Variants in NBEA observed in about 807,000 individuals in gnomAD.
The protein encoded by NBEA is neurobeachin.
In NBEA, 44 loss-of-function variants were observed where a neutral mutation model predicts 343.4. That is an observed-to-expected ratio of 0.13 (90% CI 0.10 to 0.16). The LOEUF is 0.16. Among genes scored for constraint, NBEA ranks in the 10% least tolerant of loss-of-function variants. The pLI, the probability that NBEA is intolerant of heterozygous loss-of-function variation, is 1.00. For missense variants in NBEA, 2,555 were observed against 3,631.3 expected (o/e 0.70, Z 7.62); for synonymous variants, 1,175 against 1,238.7 (o/e 0.95, Z 1.08).
chr13:35,654,709 C>T, intron 53 of NBEA, 146 bp from the exon 54 acceptor site: 2 of 582,808 alleles, frequency 3.4e-6, no homozygotes, highest in Non-Finnish European at 2.8e-6. Flanking sequence ...ATTTATATTC[C>T]TCAAGGGAGA....
chr13:35,406,510 C>T (rs1182715390), intron 38 of NBEA, among the ~76,000 whole-genome samples: 3 of 152,150 alleles, frequency 2.0e-5, no homozygotes, highest in Non-Finnish European at 4.4e-5. Context: ...TATGCCTTTG[C>T]ATCCTCATAG....
intron 38 of NBEA, among the ~76,000 whole-genome samples, chr13:35,356,633 G>A (rs2040505180): frequency 6.6e-6 from 1 of 152,024 alleles, no homozygotes; most frequent in Admixed American, 6.6e-5. Flanking sequence ...TTTTTTGTTT[G>A]GAGTTCATCC....
At chr13:35,609,564 G>A (rs748497589) in intron 48 of NBEA, among the ~76,000 whole-genome samples, 2 of 152,164 alleles carry the variant, frequency 1.3e-5, no homozygotes, top group Non-Finnish European at 2.9e-5. Context: ...ACAAAATTGT[G>A]TTGTGAAAAG....
At chr13:35,195,823 A>T in intron 30 of NBEA, 41 bp from the exon 31 acceptor site, 1 of 1,475,196 alleles carries the variant, frequency 6.8e-7, no homozygotes, top group Non-Finnish European at 9.1e-7. Context: ...CAAGATTTTT[A>T]CTTTCAAAGC....
intron 34 of NBEA, among the ~76,000 whole-genome samples, chr13:35,268,457 T>A (rs1221845866): frequency 6.6e-6 from 1 of 152,054 alleles, no homozygotes; most frequent in East Asian, 1.9e-4. Context: ...TGACTGAACT[T>A]AATACCTCTG....
intron 33 of NBEA, among the ~76,000 whole-genome samples, chr13:35,223,228 AT>A (rs144326326): frequency 0.013 from 1,947 of 152,280 alleles, 35 homozygotes; most frequent in African/African-American, 0.045. Flanking sequence ...TTATAGATTT[AT>A]TTATCTTTTC....
At chr13:35,048,282 G>A (rs1394351311) in intron 4 of NBEA, among the ~76,000 whole-genome samples, 1 of 151,878 alleles carries the variant, frequency 6.6e-6, no homozygotes, top group Non-Finnish European at 1.5e-5. Flanking sequence ...GAAACTAGAT[G>A]GCGACTTCTT....
At chr13:35,099,183 C>T (rs2065498039) in intron 11 of NBEA, among the ~76,000 whole-genome samples, 1 of 149,878 alleles carries the variant, frequency 6.7e-6, no homozygotes. Flanking sequence ...GCGCGCACCA[C>T]CATGCCTGGC....
chr13:35,558,523 G>C lies in NBEA; in HGVS notation c.6922+3421G>C, dbSNP rs188043677. On this transcript the variant is annotated intron_variant, in intron 44 of 58. Coordinates refer to ENST00000379939, the MANE Select transcript of NBEA (RefSeq NM_001385012.1). ...TATGGCAGCAGGTATGGCAAAAAGA[G>C]AGTAAATGACACTTTGTACAATATC... Among the ~76,000 whole-genome samples, 14 of 152,274 alleles carry C rather than the reference G, an allele frequency of 9.2e-5. No individual in the cohort carries two copies. In the East Asian group the frequency reaches 2.7e-3, roughly 29 times the overall value.
chr13:35,359,493 C>G (rs1300954266), intron 38 of NBEA, among the ~76,000 whole-genome samples: 1 of 150,552 alleles, frequency 6.6e-6, no homozygotes, highest in Non-Finnish European at 1.5e-5. Flanking sequence ...CTCTAATTTT[C>G]TACTTGCTAT....
intron 41 of NBEA, among the ~76,000 whole-genome samples, chr13:35,540,253 CTA>C (rs1157333233): frequency 6.6e-6 from 1 of 151,770 alleles, no homozygotes; most frequent in Non-Finnish European, 1.5e-5. Context: ...ATAAATAAGT[CTA>C]TAGAGAGAAG....
intron 35 of NBEA, among the ~76,000 whole-genome samples, chr13:35,309,230 T>C (rs2037196084): frequency 6.6e-6 from 1 of 152,098 alleles, no homozygotes; most frequent in South Asian, 2.1e-4. Context: ...CTTTTGGTCA[T>C]TTGCTGTCTT....
chr13:35,275,996 A>G (rs1566554176), intron 34 of NBEA, among the ~76,000 whole-genome samples: 2 of 152,204 alleles, frequency 1.3e-5, no homozygotes, highest in Middle Eastern at 3.4e-3. Context: ...AACTTAAAGT[A>G]TAATAATTTA....
intron 14 of NBEA, among the ~76,000 whole-genome samples, 187 bp downstream of exon 14, chr13:35,117,680 T>A (rs1262040453): frequency 6.6e-6 from 1 of 151,966 alleles, no homozygotes; most frequent in Admixed American, 6.5e-5. Flanking sequence ...TCTGAAATCT[T>A]CCCTATTAAG....
At chr13:35,203,855 G>A (rs983746684) in intron 31 of NBEA, among the ~76,000 whole-genome samples, 3 of 152,140 alleles carry the variant, frequency 2.0e-5, no homozygotes, top group Non-Finnish European at 2.9e-5. Flanking sequence ...TAGATTCTAT[G>A]TAGTATAAAA....
At chr13:35,143,769 T>C (rs2068227859) in intron 18 of NBEA, among the ~76,000 whole-genome samples, 1 of 151,998 alleles carries the variant, frequency 6.6e-6, no homozygotes, top group Non-Finnish European at 1.5e-5. Flanking sequence ...CTTGCGGGGC[T>C]GAGGCAGGAG....
intron 13 of NBEA, among the ~76,000 whole-genome samples, chr13:35,115,191 A>G (rs2066434037): frequency 1.3e-5 from 2 of 152,144 alleles, no homozygotes; most frequent in African/African-American, 4.8e-5. Flanking sequence ...AGTCTTGTAT[A>G]TCTTTCTACT....
chr13:35,078,544 A>T (rs2064222165), intron 10 of NBEA, among the ~76,000 whole-genome samples: 1 of 152,206 alleles, frequency 6.6e-6, no homozygotes, highest in Admixed American at 6.5e-5. Context: ...CCGAAGAATG[A>T]CCAACCAAGC....
chr13:35,176,424 G>A (rs1474387261), intron 27 of NBEA, among the ~76,000 whole-genome samples: 2 of 152,022 alleles, frequency 1.3e-5, no homozygotes, highest in African/African-American at 4.8e-5. Context: ...TCACTTAGTA[G>A]TCTACTATGT....
Sources: allele counts gnomAD v4.1 joint callset (sites outside exome capture counted in the v4.1 genomes callset), GRCh38; gene constraint gnomAD v4.1.1; transcripts MANE v1.5; gene names NCBI Gene and HGNC (gene_info 2026-07-23, HGNC 2026-07-21).